Variants in SRP19 observed in about 807,000 individuals in gnomAD.
SRP19 encodes signal recognition particle 19, also known as signal recognition particle 19 kDa protein.
A neutral mutation model predicts 22.4 loss-of-function variants in SRP19; 11 were observed. The observed-to-expected ratio is 0.49, with a 90% confidence interval of 0.31 to 0.81. The LOEUF (loss-of-function observed/expected upper bound fraction) is 0.81. Ranked by LOEUF, SRP19 falls within the 40% of genes least tolerant of loss-of-function variation. The pLI is 0.05. For synonymous variants in SRP19, 61 were observed against 57.6 expected, an observed-to-expected ratio of 1.06 and a Z score of -0.27; for missense variants, 168 against 175.9, an observed-to-expected ratio of 0.96 and a Z score of 0.25.
chr5:112,882,497 G>C (rs1768110152), intron 4 of SRP19, among the ~76,000 whole-genome samples: 1 of 152,156 alleles, frequency 6.6e-6, no homozygotes, highest in African/African-American at 2.4e-5. Context: ...CACCTACTCT[G>C]TAGCTATACC....
intron 4 of SRP19, chr5:112,885,511 G>C (rs1267811293): frequency 1.4e-5 from 3 of 216,372 alleles, no homozygotes; most frequent in Non-Finnish European, 2.9e-5. Context: ...GCAGATGAGG[G>C]TAGAAGTTAG....
At chr5:112,872,697 A>G (rs899713053), downstream of SRP19, among the ~76,000 whole-genome samples, 2 of 152,060 alleles carry the variant, frequency 1.3e-5, no homozygotes, top group Non-Finnish European at 2.9e-5. Flanking sequence ...CCTAGTGCAC[A>G]ACTTCACTCT....
intron 2 of SRP19, among the ~76,000 whole-genome samples, chr5:112,863,719 C>T (rs991481850): frequency 8.5e-5 from 13 of 152,226 alleles, no homozygotes; most frequent in African/African-American, 2.9e-4. Context: ...GGCTGGAGTG[C>T]GGCAGTGTAG....
chr5:112,875,401 C>T (rs1767871966), intron 4 of SRP19, among the ~76,000 whole-genome samples: 2 of 151,142 alleles, frequency 1.3e-5, no homozygotes. Context: ...CAGGGTCTGG[C>T]CCTGTCGCCC....
chr5:112,876,692 T>C (rs1655997305), intron 4 of SRP19: 1 of 152,226 alleles, frequency 6.6e-6, no homozygotes, highest in African/African-American at 2.4e-5. Flanking sequence ...CAATTAGTTT[T>C]TCAAACTCTA....
intron 4 of SRP19, chr5:112,891,499 T>C: frequency 8.7e-7 from 1 of 1,151,468 alleles, no homozygotes; most frequent in Non-Finnish European, 1.2e-6. Context: ...ATTTGTAATA[T>C]ATATAAGTAT....
chr5:112,877,536 G>A (rs1163905469), intron 4 of SRP19: 1 of 152,114 alleles, frequency 6.6e-6, no homozygotes, highest in Non-Finnish European at 1.5e-5. Context: ...TCAACACAAA[G>A]AATACGGATG....
intron 4 of SRP19, chr5:112,878,811 A>G (rs1767974645): frequency 6.2e-7 from 1 of 1,614,194 alleles, no homozygotes; most frequent in South Asian, 1.1e-5. Flanking sequence ...TTCTTCACCC[A>G]GTAAATTCAC....
rs372961557 is a variant in SRP19 at position 112,864,652 on chromosome 5, G to A, written c.221G>A (p.Arg74His). 41 of 1,613,948 alleles carry A rather than the reference G, an allele frequency of 2.5e-5. No individual in the cohort carries two copies. The highest frequency in any genetic ancestry group is 2.9e-5 in the Non-Finnish European group (34 of 1,179,998). ...KNKMYSREWN[R>H]DVQYRGRVRV... is the part of the protein sequence containing the mutation. Reference sequence around the variant, plus strand: ...AAAATGTACTCTAGAGAATGGAATCGTGATGTCCAATACAGAGGCAGAGTC... The same window carrying A: ...AAAATGTACTCTAGAGAATGGAATCATGATGTCCAATACAGAGGCAGAGTC... The change falls in exon 4 of 5, where the codon CGT (arginine) becomes CAT (histidine). Residue 74 changes from arginine (R) to histidine (H), a missense_variant. Physicochemically the swap from Arg to His is conservative, Grantham distance 29. Coordinates refer to ENST00000505459, the MANE Select transcript of SRP19 (RefSeq NM_003135.3).
chr5:112,884,474 C>A (rs1768170435), intron 4 of SRP19, among the ~76,000 whole-genome samples: 1 of 151,584 alleles, frequency 6.6e-6, no homozygotes, highest in Non-Finnish European at 1.5e-5. Context: ...ATTACCTGGG[C>A]CCAAGTGATC....
intron 4 of SRP19, among the ~76,000 whole-genome samples, chr5:112,876,219 T>C (rs1767892079): frequency 6.6e-6 from 1 of 152,182 alleles, no homozygotes; most frequent in South Asian, 2.1e-4. Flanking sequence ...GACAAGTCTT[T>C]TCCTCTGGTA....
intron 4 of SRP19, among the ~76,000 whole-genome samples, chr5:112,887,627 T>C (rs1768299842): frequency 6.6e-6 from 1 of 152,198 alleles, no homozygotes; most frequent in South Asian, 2.1e-4. Flanking sequence ...ATTCATCCTA[T>C]TATGGAAAAA....
intron 4 of SRP19, among the ~76,000 whole-genome samples, chr5:112,866,489 G>A (rs911309997): frequency 5.9e-5 from 9 of 152,002 alleles, no homozygotes; most frequent in African/African-American, 2.2e-4. Context: ...TGGGAATATC[G>A]GCACATGATT....
At chr5:112,867,248 A>G (rs1767636543) in intron 4 of SRP19, 156 bp from the exon 5 acceptor site, 1 of 745,748 alleles carries the variant, frequency 1.3e-6, no homozygotes, top group Non-Finnish European at 2.1e-6. Context: ...GACTTGAGCT[A>G]GTCAGTGTCT....
chr5:112,888,110 C>T (rs1768316336), intron 4 of SRP19, among the ~76,000 whole-genome samples: 1 of 152,154 alleles, frequency 6.6e-6, no homozygotes, highest in Non-Finnish European at 1.5e-5. Flanking sequence ...GATTCCAAAT[C>T]AGTATTTTTT....
intron 4 of SRP19, among the ~76,000 whole-genome samples, chr5:112,879,957 G>A (rs1768020721): frequency 6.6e-6 from 1 of 151,808 alleles, no homozygotes; most frequent in African/African-American, 2.4e-5. Flanking sequence ...CCCATCTCTA[G>A]TTAAAGTACC....
intron 1 of SRP19, 108 bp downstream of exon 1, chr5:112,861,525 C>G (rs1374040257): frequency 3.3e-6 from 4 of 1,222,292 alleles, no homozygotes; most frequent in Admixed American, 2.3e-5. Context: ...CCTAGCTGAT[C>G]CAACTCGCTC....
rs1197964651 is a variant in SRP19, at chr5:112,862,569, A to G, written c.103A>G (p.Ile35Val). ...GAAGACCATCGCAGAGGGAAGGCGAATCCCCATAAGTAAGGTAAGCAAGAT... is the reference window on the plus strand; with the variant it reads ...GAAGACCATCGCAGAGGGAAGGCGAGTCCCCATAAGTAAGGTAAGCAAGAT... ...NKKTIAEGRR[I>V]PISKAVENPT... The change falls in exon 2 of 5, where the codon ATC becomes GTC. Residue 35 changes from isoleucine (I) to valine (V), a missense_variant. Transcript: ENST00000505459. The G allele has an allele frequency of 6.2e-6, 10 of 1,613,868 alleles. No homozygotes were observed. The South Asian group carries it at 7.7e-5, about 12-fold the overall frequency.
chr5:112,891,069 T>TTTA (rs1768428662), intron 4 of SRP19, among the ~76,000 whole-genome samples: 5 of 150,354 alleles, frequency 3.3e-5, no homozygotes, highest in Admixed American at 1.3e-4. Flanking sequence ...TAAGCAAATA[T>TTTA]TTATTTTTAT....
Sources: allele counts gnomAD v4.1 joint callset (sites outside exome capture counted in the v4.1 genomes callset), GRCh38; gene constraint gnomAD v4.1.1; transcripts MANE v1.5; gene names NCBI Gene and HGNC (gene_info 2026-07-23, HGNC 2026-07-21).